HSP90AA1: variants seen among roughly 807,000 people sequenced by gnomAD.
The protein encoded by HSP90AA1 is heat shock protein HSP 90-alpha.
Under a neutral mutation model 73.3 loss-of-function variants are expected in HSP90AA1, and 18 were observed. The observed-to-expected ratio is 0.25, with a 90% CI of 0.17 to 0.36. The LOEUF (loss-of-function observed/expected upper bound fraction) is 0.36. Among genes scored for constraint, HSP90AA1 ranks in the 10% least tolerant of loss-of-function variants. HSP90AA1 has a pLI of 1.00. For synonymous variants in HSP90AA1, 477 were observed against 296.9 expected, an observed-to-expected ratio of 1.61 and a Z score of -6.24; for missense variants, 704 against 874.2, an observed-to-expected ratio of 0.81 and a Z score of 2.45.
chr14:102,132,754 T>C (rs2049923570), intron 1 of HSP90AA1, among the ~76,000 whole-genome samples: 2 of 149,468 alleles, frequency 1.3e-5, no homozygotes, highest in Non-Finnish European at 3.0e-5. Flanking sequence ...AGGTCAGGAG[T>C]TCGAGACCAA....
chr14:102,124,833 T>C lies in HSP90AA1; in HGVS notation c.155+14417A>G, dbSNP rs188597333. 3.5e-3 allele frequency among the ~76,000 whole-genome samples: 540 copies of C among 152,330 alleles called. 9 individuals carry two copies. Among genetic ancestry groups the C allele is most frequent in the Non-Finnish European group, 2.0e-3 (138 of 68,018 alleles). ...CAATATTAAATAATGTGATCATGAA[T>C]AGAATTTATGTTATGTCTTTTGACC... On this transcript the variant is annotated intron_variant, in intron 1 of 11. Transcript: ENST00000334701.
intron 1 of HSP90AA1, among the ~76,000 whole-genome samples, chr14:102,121,449 A>G (rs1156668935): frequency 5.3e-5 from 8 of 152,182 alleles, no homozygotes; most frequent in African/African-American, 1.2e-4. Context: ...GTCAAATCAC[A>G]TAACTACAAT....
intron 1 of HSP90AA1, among the ~76,000 whole-genome samples, chr14:102,134,188 AT>A (rs1316041039): frequency 9.3e-5 from 14 of 151,154 alleles, no homozygotes; most frequent in Middle Eastern, 3.4e-3. Context: ...AAATACAAAA[AT>A]TAGCTGGGCA....
At chr14:102,086,477 A>G in intron 1 of HSP90AA1, 99 bp from the exon 2 acceptor site, 1 of 1,376,902 alleles carries the variant, frequency 7.3e-7, no homozygotes, top group African/African-American at 1.4e-5. Flanking sequence ...GCCGAATTGG[A>G]GATTTGCGAA....
intron 1 of HSP90AA1, among the ~76,000 whole-genome samples, chr14:102,115,811 G>A (rs1220081244): frequency 6.6e-6 from 1 of 152,082 alleles, no homozygotes; most frequent in Non-Finnish European, 1.5e-5. Context: ...GTCTCCCTAT[G>A]TTGTCTAGGC....
Position 102,084,909 on chromosome 14 carries a change from C to A in HSP90AA1, c.753G>T (p.Glu251Asp). 1 of 1,579,130 alleles carries A rather than the reference C, an allele frequency of 6.3e-7. No individual in the cohort carries two copies. The highest frequency in any genetic ancestry group is 8.7e-7 in the Non-Finnish European group (1 of 1,148,802). The stretch of plus-strand genomic sequence containing the variant: ...CTTCAATTTCAGGTTTGTCTTCCGA[C>A]TCTTTCTCTTCTTTTTCTTTTTCTT... ...KEEEKEKEEK[E>D]SEDKPEIEDV... The change falls in exon 5 of 11, where the codon GAG becomes GAT. Residue 251 changes from glutamate (E) to aspartate (D), a missense_variant. By Grantham distance (45) the Glu-to-Asp change is conservative. Coordinates refer to ENST00000216281, the MANE Select transcript of HSP90AA1 (RefSeq NM_005348.4).
chr14:102,091,284 G>C (rs181518686), upstream of HSP90AA1, among the ~76,000 whole-genome samples: 229 of 152,212 alleles, frequency 1.5e-3, no homozygotes, highest in African/African-American at 5.4e-3. Context: ...AGGGCCTCCA[G>C]GGCAGTTACA....
At chr14:102,088,834 GCCATTGCC>G (rs2152615342), upstream of HSP90AA1, among the ~76,000 whole-genome samples, 1 of 152,070 alleles carries the variant, frequency 6.6e-6, no homozygotes, top group East Asian at 1.9e-4. Flanking sequence ...CGCAGTTTCT[GCCATTGCC>G]CAGGGGGTTT....
rs2049658532 is a variant in HSP90AA1 at position 102,112,851 on chromosome 14, T to A, written c.156-10766A>T. Among the ~76,000 whole-genome samples the A allele has an allele frequency of 2.0e-5, 3 of 152,026 alleles. No individual in the cohort carries two copies. In the South Asian group the frequency reaches 6.2e-4, roughly 31 times the overall value. ...TGTTAAGTTTTTAATATTCAAGAGG[T>A]TTTTTATTTTCCTAAGTTTTTTACA... On this transcript the variant is annotated intron_variant, in intron 1 of 11. Transcript: ENST00000334701.
At chr14:102,121,019 A>G (rs2049771343) in intron 1 of HSP90AA1, among the ~76,000 whole-genome samples, 1 of 145,766 alleles carries the variant, frequency 6.9e-6, no homozygotes, top group Admixed American at 6.8e-5. Context: ...ACACACACAC[A>G]CATACACACA....
chr14:102,129,963 AT>A (rs34163745), intron 1 of HSP90AA1, among the ~76,000 whole-genome samples: 2,599 of 142,994 alleles, frequency 0.018, 50 homozygotes, highest in South Asian at 0.11. Context: ...TTTGTGTGAA[AT>A]TTTTTTTTTG....
chr14:102,082,781 G>A (rs999518666), intron 9 of HSP90AA1: 18 of 513,410 alleles, frequency 3.5e-5, no homozygotes, highest in Non-Finnish European at 5.6e-5. Flanking sequence ...CACCACGCCT[G>A]GTTTATTTTT....
At chr14:102,130,056 C>T (rs980069290) in intron 1 of HSP90AA1, among the ~76,000 whole-genome samples, 5 of 151,028 alleles carry the variant, frequency 3.3e-5, no homozygotes, top group African/African-American at 4.9e-5. Context: ...CTGCAACCTC[C>T]GCCTCCTGGG....
At chr14:102,139,347 T>C (rs768413159) in exon 1 of HSP90AA1, 5 of 1,611,944 alleles carry the variant, frequency 3.1e-6, no homozygotes, top group African/African-American at 2.7e-5. Context: ...GGACAGTCCC[T>C]GTCCCGAAGG....
At chr14:102,084,090 G>T in intron 6 of HSP90AA1, 107 bp from the exon 7 acceptor site, 3 of 913,900 alleles carry the variant, frequency 3.3e-6, no homozygotes, top group Non-Finnish European at 5.3e-6. Context: ...ACGTATTTTT[G>T]AGACAGTCTC....
intron 1 of HSP90AA1, among the ~76,000 whole-genome samples, chr14:102,110,599 T>TA (rs2049628511): frequency 2.7e-5 from 4 of 148,078 alleles, no homozygotes; most frequent in Admixed American, 6.7e-5. Context: ...TTTTTTTTTT[T>TA]GAGACAGTCT....
At chr14:102,103,024 C>CA (rs1401574013) in intron 1 of HSP90AA1, among the ~76,000 whole-genome samples, 1 of 151,362 alleles carries the variant, frequency 6.6e-6, no homozygotes, top group Non-Finnish European at 1.5e-5. Context: ...ACTGAAAATA[C>CA]AAAAAAATTA....
intron 2 of HSP90AA1, among the ~76,000 whole-genome samples, chr14:102,092,138 G>A (rs1321408601): frequency 6.6e-6 from 1 of 150,476 alleles, no homozygotes; most frequent in Non-Finnish European, 1.5e-5. Context: ...GCGTGCTCTT[G>A]GCTCACTGCA....
intron 1 of HSP90AA1, among the ~76,000 whole-genome samples, chr14:102,103,508 T>C (rs1426628536): frequency 2.0e-5 from 3 of 151,658 alleles, no homozygotes; most frequent in African/African-American, 7.3e-5. Context: ...GGCAACATGG[T>C]AAAACCCTAT....
Sources: gnomAD v4.1 joint callset for allele counts (sites outside exome capture counted in the v4.1 genomes callset) on GRCh38, gnomAD v4.1.1 for gene constraint, MANE v1.5 for transcripts, NCBI Gene and HGNC (gene_info 2026-07-23, HGNC 2026-07-21) for gene names.